The following PTPRT variants were observed in gnomAD, a reference collection of about 807,000 sequenced individuals.
PTPRT encodes receptor-type tyrosine-protein phosphatase T.
A neutral mutation model predicts 176.8 loss-of-function variants in PTPRT; 56 were observed. The observed-to-expected ratio is 0.32, with a 90% CI of 0.26 to 0.40. The LOEUF (loss-of-function observed/expected upper bound fraction) is 0.40. Ranked by LOEUF, PTPRT falls within the 10% of genes least tolerant of loss-of-function variation. The pLI, the probability that PTPRT is intolerant of heterozygous loss-of-function variation, is 1.00. For synonymous variants in PTPRT, 783 were observed against 739.0 expected (o/e 1.06, Z -0.96); for missense variants, 1,540 against 1,908.2 (o/e 0.81, Z 3.60).
chr20:42,191,707 A>C (rs1481803650), intron 16 of PTPRT, among the ~76,000 whole-genome samples: 1 of 152,200 alleles, frequency 6.6e-6, no homozygotes, highest in African/African-American at 2.4e-5. Context: ...GTGACACCAG[A>C]GGGCAGACAA....
At chr20:42,998,774 C>T (rs547241309) in intron 1 of PTPRT, among the ~76,000 whole-genome samples, 4 of 152,136 alleles carry the variant, frequency 2.6e-5, no homozygotes, top group Non-Finnish European at 5.9e-5. Flanking sequence ...TGATATCTCC[C>T]ATCTTACAGT....
Position 42,610,516 on chromosome 20 carries a change from G to A in PTPRT, c.1153+67350C>T, listed in dbSNP as rs575801796. ...ATTACAGGCGTGAGCCACCATGCCT[G>A]ACCTGAAATATGTAGATTTGAACTT... On this transcript the variant is annotated intron_variant, in intron 7 of 30. Transcript: ENST00000373187. 3.9e-5 allele frequency among the ~76,000 whole-genome samples: 6 copies of A among 151,900 alleles called. No individual in the cohort carries two copies. The East Asian group carries it at 1.2e-3, about 30-fold the overall frequency.
the PTPRT span, among the ~76,000 whole-genome samples, chr20:42,045,025 G>T: frequency 6.6e-6 from 1 of 152,114 alleles, no homozygotes; most frequent in Non-Finnish European, 1.5e-5. Flanking sequence ...GTTCTCTTCT[G>T]TCTCTCTCAT....
At chr20:42,301,635 T>C (rs761962857) in intron 12 of PTPRT, among the ~76,000 whole-genome samples, 48 of 151,702 alleles carry the variant, frequency 3.2e-4, no homozygotes, top group Admixed American at 9.2e-4. Context: ...GACAGATAGA[T>C]AGACAAACAG....
chr20:43,061,996 A>G (rs1194645217), intron 1 of PTPRT, among the ~76,000 whole-genome samples: 1 of 152,242 alleles, frequency 6.6e-6, no homozygotes, highest in Non-Finnish European at 1.5e-5. Context: ...GCAGATGAAC[A>G]CAAAACAGTA....
chr20:42,779,797 T>C (rs1318285914), intron 4 of PTPRT, among the ~76,000 whole-genome samples: 1 of 152,054 alleles, frequency 6.6e-6, no homozygotes, highest in Admixed American at 6.5e-5. Context: ...CAGGGTACTT[T>C]TCCCTGTGAG....
At chr20:42,731,232 C>T (rs1329646652) in intron 6 of PTPRT, among the ~76,000 whole-genome samples, 3 of 152,334 alleles carry the variant, frequency 2.0e-5, no homozygotes, top group East Asian at 3.9e-4. Flanking sequence ...TGGCACCAGA[C>T]GTTCAGCGCA....
chr20:42,957,365 T>C (rs1341653341), intron 1 of PTPRT, among the ~76,000 whole-genome samples: 1 of 152,226 alleles, frequency 6.6e-6, no homozygotes, highest in Non-Finnish European at 1.5e-5. Flanking sequence ...TTCATATAGC[T>C]GTAGGTAAAG....
chr20:42,845,297 C>CCTT (rs10626100), intron 2 of PTPRT, among the ~76,000 whole-genome samples: 132,727 of 151,936 alleles, frequency 0.87, 58,502 homozygotes, highest in Non-Finnish European at 0.94. Flanking sequence ...AGTCACTTCT[C>CCTT]CTGGATCTCA....
chr20:43,121,284 G>T (rs2013248197), intron 1 of PTPRT, among the ~76,000 whole-genome samples: 1 of 152,072 alleles, frequency 6.6e-6, no homozygotes, highest in South Asian at 2.1e-4. Flanking sequence ...TCCAGTCTTT[G>T]GTTCTTACAA....
At chr20:42,716,931 T>C (rs2146216274) in intron 6 of PTPRT, among the ~76,000 whole-genome samples, 1 of 148,196 alleles carries the variant, frequency 6.7e-6, no homozygotes, top group Admixed American at 7.0e-5. Flanking sequence ...CAAACTATCA[T>C]AAGGACAAAA....
At chr20:42,313,745 T>A (rs942512668) in intron 12 of PTPRT, among the ~76,000 whole-genome samples, 2 of 152,070 alleles carry the variant, frequency 1.3e-5, no homozygotes, top group East Asian at 1.9e-4. Flanking sequence ...TTCTGCCAAT[T>A]TTTATGTCTT....
At chr20:42,204,892 T>C (rs923312727) in intron 15 of PTPRT, among the ~76,000 whole-genome samples, 28 of 151,988 alleles carry the variant, frequency 1.8e-4, no homozygotes, top group African/African-American at 6.8e-4. Flanking sequence ...AGTAACGTTC[T>C]CTTCATGCAT....
intron 18 of PTPRT, among the ~76,000 whole-genome samples, chr20:42,131,542 C>T (rs76778411): frequency 1.4e-3 from 211 of 152,236 alleles, no homozygotes; most frequent in South Asian, 3.1e-3. Flanking sequence ...CAAAAAGAAA[C>T]GAACTTATTT....
intron 7 of PTPRT, among the ~76,000 whole-genome samples, chr20:42,503,472 T>C (rs2071791255): frequency 1.3e-5 from 2 of 152,090 alleles, no homozygotes; most frequent in African/African-American, 4.8e-5. Context: ...TCCAAATGTA[T>C]AAACTTTAAT....
chr20:42,176,551 T>C (rs73909229), intron 16 of PTPRT, among the ~76,000 whole-genome samples: 3,643 of 152,254 alleles, frequency 0.024, 137 homozygotes, highest in African/African-American at 0.084. Flanking sequence ...ATTATGTATA[T>C]ATCACCAAAC....
intron 14 of PTPRT, among the ~76,000 whole-genome samples, chr20:42,236,478 T>C (rs976238021): frequency 1.3e-5 from 2 of 152,218 alleles, no homozygotes; most frequent in Non-Finnish European, 2.9e-5. Context: ...AGACCTCTTC[T>C]ATAATAGGGA....
At chr20:42,658,918 AT>A (rs369322681) in intron 7 of PTPRT, among the ~76,000 whole-genome samples, 1 of 152,130 alleles carries the variant, frequency 6.6e-6, no homozygotes, top group African/African-American at 2.4e-5. Flanking sequence ...ACATTTACAT[AT>A]TAGCTCAGTT....
At chr20:42,799,718 C>T (rs138969766) in intron 2 of PTPRT, among the ~76,000 whole-genome samples, 39 of 152,346 alleles carry the variant, frequency 2.6e-4, no homozygotes, top group African/African-American at 9.4e-4. Context: ...CCTTCAGACT[C>T]TTCACCTCTT....
Sources: allele counts gnomAD v4.1 joint callset (sites outside exome capture counted in the v4.1 genomes callset), GRCh38; gene constraint gnomAD v4.1.1; transcripts MANE v1.5; gene names NCBI Gene and HGNC (gene_info 2026-07-23, HGNC 2026-07-21).